ELMO1: variants seen among roughly 807,000 people sequenced by gnomAD.
ELMO1 encodes the protein engulfment and cell motility protein 1.
ELMO1 carries 26 observed loss-of-function variants against 98.9 expected under a neutral mutation model. The ratio of observed to expected loss-of-function variants is 0.26; its 90% CI spans 0.19 to 0.36. The LOEUF (loss-of-function observed/expected upper bound fraction) is 0.36. Ranked by LOEUF, ELMO1 falls within the 10% of genes least tolerant of loss-of-function variation. ELMO1 has a pLI of 1.00. For missense variants in ELMO1, 627 were observed against 935.2 expected (o/e 0.67, Z 4.30); for synonymous variants, 346 against 346.0 (o/e 1.00, Z 0.00).
chr7:37,253,217 C>T (rs1023471258), intron 6 of ELMO1, among the ~76,000 whole-genome samples: 11 of 152,242 alleles, frequency 7.2e-5, no homozygotes, highest in Non-Finnish European at 2.9e-5. Context: ...CCCAGCAATC[C>T]CATTACTGGG....
chr7:37,040,001 A>G (rs890474085), intron 15 of ELMO1, among the ~76,000 whole-genome samples: 4 of 152,214 alleles, frequency 2.6e-5, no homozygotes, highest in African/African-American at 9.6e-5. Flanking sequence ...AATGTTGTCC[A>G]GTAGGCTTTC....
At chr7:37,298,436 A>C (rs1365155168) in intron 4 of ELMO1, among the ~76,000 whole-genome samples, 2 of 129,680 alleles carry the variant, frequency 1.5e-5, no homozygotes, top group Non-Finnish European at 3.2e-5. Flanking sequence ...TATATCTCCC[A>C]ATGCTATCCC....
intron 4 of ELMO1, among the ~76,000 whole-genome samples, chr7:37,314,042 T>C (rs1162348153): frequency 2.0e-5 from 3 of 152,226 alleles, no homozygotes; most frequent in South Asian, 4.1e-4. Context: ...GCGAAACTAT[T>C]GTGGAAATTC....
At chr7:37,139,395 A>G (rs984513490) in intron 13 of ELMO1, among the ~76,000 whole-genome samples, 11 of 152,224 alleles carry the variant, frequency 7.2e-5, no homozygotes, top group African/African-American at 2.7e-4. Flanking sequence ...AAATTAATGT[A>G]TGCCAATCAG....
intron 15 of ELMO1, among the ~76,000 whole-genome samples, chr7:37,040,340 A>C (rs1795432821): frequency 6.6e-6 from 1 of 152,234 alleles, no homozygotes; most frequent in Non-Finnish European, 1.5e-5. Flanking sequence ...GACTTTGTTA[A>C]GGACAAAAGT....
At chr7:36,937,255 A>G (rs1046200434) in intron 16 of ELMO1, among the ~76,000 whole-genome samples, 2 of 152,234 alleles carry the variant, frequency 1.3e-5, no homozygotes, top group African/African-American at 4.8e-5. Flanking sequence ...CCCCTAGTCC[A>G]GTATAACTGG....
At chr7:37,071,318 A>C (rs1212524509) in intron 15 of ELMO1, among the ~76,000 whole-genome samples, 1 of 152,082 alleles carries the variant, frequency 6.6e-6, no homozygotes, top group African/African-American at 2.4e-5. Context: ...AAAGAGAATA[A>C]ATTATTCATC....
In ELMO1 at chr7:37,152,220, G is replaced by C. The variant is rs761663814; in HGVS notation, c.1087-18986C>G. Among the ~76,000 whole-genome samples the C allele has an allele frequency of 2.6e-5, 4 of 152,206 alleles. No individual in the cohort carries two copies. In the South Asian group the frequency reaches 8.3e-4, roughly 31 times the overall value. On this transcript the variant is annotated intron_variant, in intron 13 of 21. Transcript: ENST00000310758. ...GTCTAACATGACCTTGGATATCAGA[G>C]GAAGCGGTGCCTGAAATCTGGATGA...
chr7:37,115,731 G>A (rs1785545111), intron 14 of ELMO1, among the ~76,000 whole-genome samples: 1 of 151,178 alleles, frequency 6.6e-6, no homozygotes, highest in Non-Finnish European at 1.5e-5. Flanking sequence ...CATCTTACTG[G>A]TAGTCCTAGC....
rs574031970 is a variant in ELMO1 at position 37,292,095 on chromosome 7, G to A, written c.193-20213C>T. On this transcript the variant is annotated intron_variant, in intron 4 of 21. Coordinates refer to ENST00000310758, the MANE Select transcript of ELMO1 (RefSeq NM_014800.11). ...GCCCAGTACCTGCGATTGCAGGCGCGCACCGCCACGCCTGACTGGTTTTCG... is the reference window on the plus strand; with the variant it reads ...GCCCAGTACCTGCGATTGCAGGCGCACACCGCCACGCCTGACTGGTTTTCG... 2.0e-3 allele frequency among the ~76,000 whole-genome samples: 248 copies of A among 125,518 alleles called. 30 individuals are homozygous for A. The highest frequency in any genetic ancestry group is 6.3e-3 in the African/African-American group (241 of 38,208). The allele number at this position is 125,518 out of a possible 152,430, so 82.3% of individuals were successfully genotyped here. A position where few individuals can be genotyped will look rare whatever the true frequency, so the allele number is the denominator to read the frequency against.
At position 36,887,565 on chromosome 7, in the gene ELMO1, C is replaced by T. The variant is rs1266728719; in HGVS notation, c.1709G>A (p.Arg570Lys). Residue 570 changes from arginine to lysine, a missense_variant, in exon 18 of 22, where the codon AGG (arginine) becomes AAG (lysine). Arg to Lys is a conservative substitution (Grantham distance 26, BLOSUM62 2). Transcript: ENST00000310758. ...TCFRKLNARR[R>K]QDKFWYCRLS... ...AGTGTCCCCAGAAACAATACCTTGC[C>T]TCCGCCGGGCATTGAGTTTCCTAAA... The T allele has an allele frequency of 1.2e-6, 2 of 1,613,908 alleles. No individual in the cohort carries two copies. Among genetic ancestry groups the T allele is most frequent in the Non-Finnish European group, 1.7e-6 (2 of 1,179,938 alleles).
chr7:37,423,946 G>C (rs368385378), intron 1 of ELMO1, among the ~76,000 whole-genome samples: 1 of 152,218 alleles, frequency 6.6e-6, no homozygotes. Flanking sequence ...CTGCTCTGGA[G>C]GAAGTGTGTG....
At chr7:37,211,330 G>A in intron 13 of ELMO1, 56 bp downstream of exon 13, 1 of 1,612,228 alleles carries the variant, frequency 6.2e-7, no homozygotes, top group Non-Finnish European at 8.5e-7. Context: ...TTATGTGGCT[G>A]AGGTCAGGCC....
chr7:37,083,233 C>T (rs1783575236), intron 15 of ELMO1, among the ~76,000 whole-genome samples: 1 of 152,136 alleles, frequency 6.6e-6, no homozygotes, highest in South Asian at 2.1e-4. Context: ...TCTGAATTCC[C>T]AGGGAAGGGT....
chr7:37,084,572 T>C (rs1285645013), intron 15 of ELMO1, among the ~76,000 whole-genome samples: 2 of 152,150 alleles, frequency 1.3e-5, no homozygotes, highest in African/African-American at 4.8e-5. Flanking sequence ...ATTCACTCCA[T>C]CTAATACCTG....
chr7:37,448,737 CCACCAT>C lies in ELMO1; in HGVS notation c.-142_-137del, dbSNP rs1805772819. On this transcript the variant is annotated 5_prime_UTR_variant, in exon 1 of 22. It removes an upstream start codon present in the reference 5' UTR. Transcript: ENST00000310758. ...CGGCGATCAGAGCTCCGGCGACCCGCCACCATTGAAGGGGAACTGGAGGCTCTGTCG... is the reference window on the plus strand; with the variant it reads ...CGGCGATCAGAGCTCCGGCGACCCGCTGAAGGGGAACTGGAGGCTCTGTCG... The C allele has an allele frequency of 6.6e-6, 1 of 152,532 alleles. No individual in the cohort carries two copies. The highest frequency in any genetic ancestry group is 6.5e-5 in the Admixed American group (1 of 15,284). 9.4% of individuals were successfully genotyped at this position (152,532 alleles called of 1,614,324 possible).
chr7:37,331,217 T>C (rs1800086692), intron 2 of ELMO1, among the ~76,000 whole-genome samples: 1 of 151,756 alleles, frequency 6.6e-6, no homozygotes, highest in East Asian at 1.9e-4. Context: ...TCGCCCAAGT[T>C]GGAGTGCAGT....
chr7:37,041,024 G>A (rs756727141), intron 15 of ELMO1, among the ~76,000 whole-genome samples: 2 of 152,136 alleles, frequency 1.3e-5, no homozygotes, highest in Non-Finnish European at 2.9e-5. Context: ...AGGTTGCGGT[G>A]AGCCGAGATC....
intron 5 of ELMO1, among the ~76,000 whole-genome samples, chr7:37,261,845 G>A (rs1456605716): frequency 6.6e-6 from 1 of 152,142 alleles, no homozygotes; most frequent in African/African-American, 2.4e-5. Flanking sequence ...CAGGTGATCA[G>A]CCTGCCTCGG....
Sources: allele counts gnomAD v4.1 joint callset (sites outside exome capture counted in the v4.1 genomes callset), GRCh38; gene constraint gnomAD v4.1.1; transcripts MANE v1.5; gene names NCBI Gene and HGNC (gene_info 2026-07-23, HGNC 2026-07-21).